Variants in KIF6 observed in about 807,000 individuals in gnomAD.
KIF6 encodes the protein kinesin family member 6.
Under a neutral mutation model 112.7 loss-of-function variants are expected in KIF6, and 106 were observed. The ratio of observed to expected loss-of-function variants is 0.94; its 90% confidence interval spans 0.80 to 1.11. The LOEUF (loss-of-function observed/expected upper bound fraction) is 1.11, where lower values mean the gene tolerates loss of function less well. KIF6 is among the 50% of genes least tolerant of loss of function. The pLI is 0.00. For missense variants in KIF6, 929 were observed against 964.0 expected, an observed-to-expected ratio of 0.96 and a Z score of 0.48; for synonymous variants, 339 against 339.9, an observed-to-expected ratio of 1.00 and a Z score of 0.03.
intron 16 of KIF6, among the ~76,000 whole-genome samples, chr6:39,379,360 C>T (rs1330042162): frequency 6.6e-6 from 1 of 152,136 alleles, no homozygotes; most frequent in African/African-American, 2.4e-5. Flanking sequence ...ATGTGTGAGT[C>T]TGGAAGTCAC....
At chr6:39,594,262 G>C (rs1782116161) in intron 7 of KIF6, among the ~76,000 whole-genome samples, 1 of 151,720 alleles carries the variant, frequency 6.6e-6, no homozygotes, top group South Asian at 2.1e-4. Flanking sequence ...GATTACAATT[G>C]GTGGGAAGTC....
intron 13 of KIF6, among the ~76,000 whole-genome samples, chr6:39,519,028 C>G (rs1017911761): frequency 3.3e-5 from 5 of 152,102 alleles, no homozygotes; most frequent in Non-Finnish European, 5.9e-5. Flanking sequence ...GCATTTGACA[C>G]CATGCATGGA....
intron 2 of KIF6, among the ~76,000 whole-genome samples, chr6:39,715,688 G>T (rs528718804): frequency 6.6e-6 from 1 of 151,944 alleles, no homozygotes; most frequent in Non-Finnish European, 1.5e-5. Flanking sequence ...TTTCAGTAGC[G>T]ACAGAGTTTA....
chr6:39,584,754 C>T, intron 9 of KIF6, 144 bp downstream of exon 9: 1 of 540,176 alleles, frequency 1.9e-6, no homozygotes, highest in Admixed American at 3.0e-5. Flanking sequence ...AGCATCTACT[C>T]ATAGGTTATT....
chr6:39,391,744 T>C (rs1038884911), intron 15 of KIF6, among the ~76,000 whole-genome samples: 1 of 152,236 alleles, frequency 6.6e-6, no homozygotes, highest in Non-Finnish European at 1.5e-5. Flanking sequence ...AGTTGGAACA[T>C]GAATTAGTTA....
chr6:39,345,821 A>G, intron 20 of KIF6, 32 bp from the exon 21 acceptor site: 1 of 1,496,656 alleles, frequency 6.7e-7, no homozygotes, highest in Non-Finnish European at 9.2e-7. Flanking sequence ...AAGCAAAAGG[A>G]ATGGGGGCAA....
intron 1 of KIF6, 32 bp downstream of exon 1, chr6:39,725,213 C>T: frequency 1.3e-6 from 2 of 1,595,760 alleles, no homozygotes; most frequent in Non-Finnish European, 1.7e-6. Flanking sequence ...GAGGCCCCGC[C>T]GCGCCGGCGC....
intron 13 of KIF6, among the ~76,000 whole-genome samples, chr6:39,438,479 C>T (rs1221055483): frequency 6.6e-6 from 1 of 151,850 alleles, no homozygotes; most frequent in Non-Finnish European, 1.5e-5. Flanking sequence ...ACTGAAGGTC[C>T]TGACACTGTG....
intron 13 of KIF6, among the ~76,000 whole-genome samples, chr6:39,457,572 GA>G (rs1387401446): frequency 1.3e-5 from 2 of 151,750 alleles, no homozygotes; most frequent in African/African-American, 4.8e-5. Context: ...AAAAATCAAT[GA>G]ATCCAGGAGC....
At chr6:39,658,647 A>G (rs2446645) in intron 3 of KIF6, among the ~76,000 whole-genome samples, 5,902 of 152,280 alleles carry the variant, frequency 0.039, 334 homozygotes, top group African/African-American at 0.13. Flanking sequence ...TAAGAAAAAA[A>G]GCTTACTTTG....
intron 10 of KIF6, among the ~76,000 whole-genome samples, chr6:39,552,608 A>G (rs1331098670): frequency 6.6e-6 from 1 of 152,228 alleles, no homozygotes; most frequent in East Asian, 1.9e-4. Flanking sequence ...TCCACATGCC[A>G]TAATCTCTGA....
chr6:39,652,496 C>A (rs1582373031), intron 3 of KIF6, among the ~76,000 whole-genome samples: 1 of 151,126 alleles, frequency 6.6e-6, no homozygotes, highest in Middle Eastern at 3.4e-3. Flanking sequence ...CATTGTACTC[C>A]AGCCTGGGCA....
chr6:39,386,613 C>T (rs1358429087), intron 15 of KIF6, among the ~76,000 whole-genome samples: 1 of 151,912 alleles, frequency 6.6e-6, no homozygotes, highest in Non-Finnish European at 1.5e-5. Context: ...AAGCAGTGAG[C>T]CCCTTCCTGA....
At chr6:39,372,969 T>C (rs1329527146) in intron 16 of KIF6, among the ~76,000 whole-genome samples, 3 of 152,192 alleles carry the variant, frequency 2.0e-5, no homozygotes, top group Non-Finnish European at 2.9e-5. Context: ...CCATTACACA[T>C]GCAACAGAAC....
chr6:39,536,099 C>A lies in KIF6; in HGVS notation c.1645+3904G>T, dbSNP rs557952052. Among the ~76,000 whole-genome samples the A allele has an allele frequency of 2.2e-3, 339 of 151,268 alleles. 2 individuals are homozygous for A. The highest frequency in any genetic ancestry group is 5.7e-3 in the African/African-American group (235 of 41,310). On this transcript the variant is annotated intron_variant, in intron 13 of 22. Coordinates refer to ENST00000287152, the MANE Select transcript of KIF6 (RefSeq NM_145027.6). ...GGAAATTTATAGCACTAAATGCCCACAAGAGAAAGCAGGAAAGATCCAAAA... is the reference window on the plus strand; with the variant it reads ...GGAAATTTATAGCACTAAATGCCCAAAAGAGAAAGCAGGAAAGATCCAAAA...
intron 13 of KIF6, among the ~76,000 whole-genome samples, chr6:39,510,220 A>C (rs1300142137): frequency 2.7e-5 from 4 of 150,826 alleles, no homozygotes; most frequent in Non-Finnish European, 5.9e-5. Flanking sequence ...CAGCCTCCCG[A>C]GTACTGGGTC....
At chr6:39,638,514 C>T (rs1201992352) in intron 4 of KIF6, among the ~76,000 whole-genome samples, 2 of 152,086 alleles carry the variant, frequency 1.3e-5, no homozygotes, top group African/African-American at 4.8e-5. Context: ...TATACTCAAT[C>T]CTTTCTCATC....
intron 3 of KIF6, among the ~76,000 whole-genome samples, chr6:39,643,843 T>C (rs1049903309): frequency 5.9e-5 from 9 of 152,088 alleles, no homozygotes; most frequent in Admixed American, 5.9e-4. Context: ...AATTAAAAAT[T>C]TTGTGTTTCA....
At chr6:39,555,846 C>T (rs945934776) in intron 10 of KIF6, among the ~76,000 whole-genome samples, 6 of 148,510 alleles carry the variant, frequency 4.0e-5, no homozygotes, top group Admixed American at 6.8e-5. Flanking sequence ...CCCAGTTACT[C>T]GGGAAGCTGA....
Sources: allele counts gnomAD v4.1 joint callset (sites outside exome capture counted in the v4.1 genomes callset), GRCh38; gene constraint gnomAD v4.1.1; transcripts MANE v1.5; gene names NCBI Gene and HGNC (gene_info 2026-07-23, HGNC 2026-07-21).